The following PTPRK variants were observed in gnomAD, a reference collection of about 807,000 sequenced individuals.
PTPRK encodes receptor-type tyrosine-protein phosphatase kappa.
Under a neutral mutation model 178.0 loss-of-function variants are expected in PTPRK, and 75 were observed. That is an observed-to-expected ratio of 0.42 (90% confidence interval 0.35 to 0.51). The LOEUF is 0.51. PTPRK is among the 20% of genes least tolerant of loss of function. PTPRK has a pLI of 0.02. For missense variants in PTPRK, 1,441 were observed against 1,797.8 expected, an observed-to-expected ratio of 0.80 and a Z score of 3.59; for synonymous variants, 637 against 620.6, an observed-to-expected ratio of 1.03 and a Z score of -0.39.
intron 2 of PTPRK, among the ~76,000 whole-genome samples, chr6:128,366,187 TCTAA>T (rs1229813788): frequency 3.9e-5 from 6 of 152,142 alleles, no homozygotes; most frequent in South Asian, 2.1e-4. Flanking sequence ...ACTATGCCAC[TCTAA>T]CTAGCTCCTT....
At chr6:128,257,509 A>G (rs540759686) in intron 3 of PTPRK, among the ~76,000 whole-genome samples, 85 of 152,282 alleles carry the variant, frequency 5.6e-4, no homozygotes, top group South Asian at 8.3e-4. Flanking sequence ...CAACCAATCA[A>G]GAAATATTTA....
intron 13 of PTPRK, among the ~76,000 whole-genome samples, chr6:128,037,825 A>G (rs1776477657): frequency 6.6e-6 from 1 of 152,230 alleles, no homozygotes; most frequent in African/African-American, 2.4e-5. Flanking sequence ...TGAGCAATGT[A>G]TAACATTCTT....
intron 1 of PTPRK, among the ~76,000 whole-genome samples, chr6:128,454,176 A>G (rs994636008): frequency 1.3e-5 from 2 of 152,116 alleles, no homozygotes; most frequent in African/African-American, 4.8e-5. Flanking sequence ...AACCACAAAA[A>G]GGGCCCTCGC....
chr6:128,214,753 C>T (rs893933035), intron 6 of PTPRK, among the ~76,000 whole-genome samples: 1 of 151,978 alleles, frequency 6.6e-6, no homozygotes, highest in Admixed American at 6.6e-5. Flanking sequence ...ATCAACAAAT[C>T]CTGAAGCCTA....
At chr6:128,510,545 T>C (rs1012784876) in intron 1 of PTPRK, among the ~76,000 whole-genome samples, 6 of 152,222 alleles carry the variant, frequency 3.9e-5, no homozygotes, top group Admixed American at 6.5e-5. Context: ...GTAGGTTTTG[T>C]CTGTGTCAAT....
chr6:128,503,845 TG>T (rs1855916449), intron 1 of PTPRK, among the ~76,000 whole-genome samples: 1 of 66,356 alleles, frequency 1.5e-5, no homozygotes, highest in Non-Finnish European at 3.5e-5. Context: ...GTTATTATTG[TG>T]TGTGTGTGTG....
intron 1 of PTPRK, among the ~76,000 whole-genome samples, chr6:128,420,447 T>C (rs1480593055): frequency 6.6e-6 from 1 of 152,212 alleles, no homozygotes; most frequent in African/African-American, 2.4e-5. Flanking sequence ...CAATAAATGT[T>C]TAATTACTAC....
chr6:128,416,384 G>T (rs1056626977), intron 1 of PTPRK, among the ~76,000 whole-genome samples: 7 of 151,774 alleles, frequency 4.6e-5, no homozygotes, highest in African/African-American at 1.2e-4. Flanking sequence ...GCTCACACCT[G>T]TAATCCCAGC....
intron 2 of PTPRK, among the ~76,000 whole-genome samples, chr6:128,376,455 C>A (rs1438267466): frequency 6.6e-6 from 1 of 152,182 alleles, no homozygotes; most frequent in Non-Finnish European, 1.5e-5. Context: ...CTGCACAGAG[C>A]AGGGAAGCCT....
chr6:127,973,959 T>G, intron 27 of PTPRK, 132 bp from the exon 28 acceptor site: 4 of 781,362 alleles, frequency 5.1e-6, no homozygotes, highest in Non-Finnish European at 5.8e-6. Flanking sequence ...ATCCTCAATA[T>G]GTACATGCTA....
intron 5 of PTPRK, among the ~76,000 whole-genome samples, chr6:128,222,413 G>A (rs1470739203): frequency 6.6e-6 from 1 of 152,058 alleles, no homozygotes; most frequent in African/African-American, 2.4e-5. Flanking sequence ...TTTGGAATTC[G>A]CAGGGTGCCC....
chr6:128,234,109 TATCCTC>T (rs1274483720), intron 5 of PTPRK, among the ~76,000 whole-genome samples: 2 of 152,240 alleles, frequency 1.3e-5, no homozygotes, highest in African/African-American at 4.8e-5. Flanking sequence ...AACCCTTTCA[TATCCTC>T]AAGTTATAAG....
intron 1 of PTPRK, among the ~76,000 whole-genome samples, chr6:128,504,550 G>A (rs28360647): frequency 0.086 from 13,143 of 152,190 alleles, 913 homozygotes; most frequent in African/African-American, 0.19. Flanking sequence ...ACAGCCCTCA[G>A]AGCAATTAGC....
At chr6:128,039,016 G>A (rs1364888536) in intron 13 of PTPRK, among the ~76,000 whole-genome samples, 1 of 152,120 alleles carries the variant, frequency 6.6e-6, no homozygotes, top group Non-Finnish European at 1.5e-5. Flanking sequence ...ATATTGTTTG[G>A]AATGTAAATT....
chr6:128,321,701 G>A, intron 3 of PTPRK: 1 of 662,896 alleles, frequency 1.5e-6, no homozygotes, highest in Non-Finnish European at 2.7e-6. Context: ...AAAGCTGTAG[G>A]AAAGAATCTG....
chr6:128,018,867 A>G (rs1773010945), intron 13 of PTPRK, among the ~76,000 whole-genome samples: 1 of 152,128 alleles, frequency 6.6e-6, no homozygotes, highest in African/African-American at 2.4e-5. Flanking sequence ...ATCATTTAGT[A>G]CGTATTTGTT....
chr6:128,362,514 T>C (rs888878869), intron 2 of PTPRK, among the ~76,000 whole-genome samples: 1 of 152,222 alleles, frequency 6.6e-6, no homozygotes, highest in Admixed American at 6.5e-5. Flanking sequence ...TACTATTCTA[T>C]AGAGGATTTC....
intron 1 of PTPRK, among the ~76,000 whole-genome samples, chr6:128,401,114 C>A (rs970407142): frequency 6.6e-6 from 1 of 152,124 alleles, no homozygotes; most frequent in Non-Finnish European, 1.5e-5. Flanking sequence ...AATTCCTCTA[C>A]GCCAATCAAT....
intron 1 of PTPRK, among the ~76,000 whole-genome samples, chr6:128,412,752 A>C (rs1394906945): frequency 6.6e-6 from 1 of 152,246 alleles, no homozygotes; most frequent in Non-Finnish European, 1.5e-5. Flanking sequence ...CACGTGGTAG[A>C]GTAATGGCTT....
Sources: allele counts gnomAD v4.1 joint callset (sites outside exome capture counted in the v4.1 genomes callset), GRCh38; gene constraint gnomAD v4.1.1; transcripts MANE v1.5; gene names NCBI Gene and HGNC (gene_info 2026-07-23, HGNC 2026-07-21).